Variants in CAMTA1 observed in about 807,000 individuals in gnomAD.
CAMTA1 encodes the protein calmodulin binding transcription activator 1.
In CAMTA1, 27 loss-of-function variants were observed where a neutral mutation model predicts 170.9. The observed-to-expected ratio is 0.16, with a 90% confidence interval of 0.12 to 0.22. The LOEUF is 0.22. Ranked by LOEUF, CAMTA1 falls within the 10% of genes least tolerant of loss-of-function variation. The probability of loss-of-function intolerance (pLI) is 1.00; values close to 1 mark genes in which losing one functional copy is unlikely to be tolerated. For synonymous variants in CAMTA1, 833 were observed against 891.5 expected, an observed-to-expected ratio of 0.93 and a Z score of 1.17; for missense variants, 1,619 against 2,217.2, an observed-to-expected ratio of 0.73 and a Z score of 5.42.
intron 4 of CAMTA1, among the ~76,000 whole-genome samples, chr1:7,126,820 G>T (rs982374054): frequency 6.6e-6 from 1 of 152,130 alleles, no homozygotes; most frequent in Non-Finnish European, 1.5e-5. Context: ...ACCCAGGCTG[G>T]AGTGCAGTGG....
chr1:7,047,102 CT>C (rs1215896831), intron 3 of CAMTA1, among the ~76,000 whole-genome samples: 1 of 152,132 alleles, frequency 6.6e-6, no homozygotes, highest in Non-Finnish European at 1.5e-5. Flanking sequence ...ATCAGGGCTG[CT>C]TGTGCTGAGG....
chr1:6,866,807 A>G (rs1666723830), intron 3 of CAMTA1, among the ~76,000 whole-genome samples: 1 of 152,240 alleles, frequency 6.6e-6, no homozygotes, highest in Non-Finnish European at 1.5e-5. Context: ...TTTGAAAATT[A>G]GTAATCAATA....
rs538157382 is a variant in CAMTA1 at position 7,052,164 on chromosome 1, C to A, written c.235-39140C>A. On this transcript the variant is annotated intron_variant, in intron 3 of 22. Transcript: ENST00000303635. ...TGAGTCTGCATCTTCGGCTGCTTCA[C>A]GCCCCACTGCTGCTTGTGGGGCCAC... 3.3e-5 allele frequency among the ~76,000 whole-genome samples: 5 copies of A among 152,302 alleles called. No homozygotes were observed. In the South Asian group the frequency reaches 1.0e-3, roughly 32 times the overall value.
At chr1:6,920,037 A>G (rs778178799) in intron 3 of CAMTA1, among the ~76,000 whole-genome samples, 4 of 152,132 alleles carry the variant, frequency 2.6e-5, no homozygotes, top group Non-Finnish European at 5.9e-5. Context: ...TGCCATCCCA[A>G]CAGCCCCCCA....
At position 7,140,966 on chromosome 1, in the gene CAMTA1, C is replaced by A. The variant is rs141452994; in HGVS notation, c.302+49595C>A. ...CCCCACTCTCTGCTACCTTTTCTTC[C>A]TTTCTGTCTACCGACAGAAGATGAA... is the stretch of plus-strand genomic sequence containing the variant. On this transcript the variant is annotated intron_variant, in intron 4 of 22. Coordinates refer to ENST00000303635, the MANE Select transcript of CAMTA1 (RefSeq NM_015215.4). Among the ~76,000 whole-genome samples the A allele has an allele frequency of 4.6e-3, 697 of 152,312 alleles. 25 individuals are homozygous for A. The highest frequency in any genetic ancestry group is 0.041 in the Admixed American group (631 of 15,298).
chr1:6,878,898 A>G (rs915150093), intron 3 of CAMTA1, among the ~76,000 whole-genome samples: 11 of 152,188 alleles, frequency 7.2e-5, no homozygotes, highest in African/African-American at 2.7e-4. Context: ...GGGATTACAT[A>G]CTAGTTGATA....
At chr1:7,220,794 C>T (rs1397589976) in intron 4 of CAMTA1, among the ~76,000 whole-genome samples, 1 of 152,268 alleles carries the variant, frequency 6.6e-6, no homozygotes, top group Non-Finnish European at 1.5e-5. Context: ...GTCCCCTGAC[C>T]TGGCACCACG....
chr1:7,123,793 C>T (rs1029534294), intron 4 of CAMTA1, among the ~76,000 whole-genome samples: 2 of 152,166 alleles, frequency 1.3e-5, no homozygotes, highest in African/African-American at 4.8e-5. Flanking sequence ...TCCTCCACAG[C>T]CTGACCCATT....
chr1:6,999,908 G>T (rs1296518030), intron 3 of CAMTA1, among the ~76,000 whole-genome samples: 1 of 152,152 alleles, frequency 6.6e-6, no homozygotes, highest in East Asian at 1.9e-4. Context: ...TCCCTGTAGT[G>T]CCCTGGCCAA....
chr1:7,495,694 C>T (rs1557812916), intron 6 of CAMTA1, among the ~76,000 whole-genome samples: 1 of 152,202 alleles, frequency 6.6e-6, no homozygotes, highest in African/African-American at 2.4e-5. Flanking sequence ...CTGGAGTCTC[C>T]ATAGGCCCTG....
chr1:7,227,476 C>A (rs762062676), intron 4 of CAMTA1, among the ~76,000 whole-genome samples: 1 of 151,996 alleles, frequency 6.6e-6, no homozygotes, highest in Admixed American at 6.6e-5. Flanking sequence ...TACAGGCATG[C>A]GCCACCATGC....
chr1:7,448,180 G>A (rs1039491700), intron 5 of CAMTA1, among the ~76,000 whole-genome samples: 1 of 152,244 alleles, frequency 6.6e-6, no homozygotes, highest in Non-Finnish European at 1.5e-5. Flanking sequence ...CTGGGGTGAG[G>A]AGGAGGGCAC....
At chr1:7,619,201 T>C (rs1397287482) in intron 6 of CAMTA1, among the ~76,000 whole-genome samples, 1 of 152,234 alleles carries the variant, frequency 6.6e-6, no homozygotes, top group Non-Finnish European at 1.5e-5. Context: ...AGCCATGCCA[T>C]GGCAAGCTAT....
chr1:6,959,373 G>A (rs1030821474), intron 3 of CAMTA1, among the ~76,000 whole-genome samples: 4 of 152,154 alleles, frequency 2.6e-5, no homozygotes, highest in Admixed American at 1.3e-4. Context: ...AGGAAGCGGC[G>A]GCCTTGGGCA....
chr1:7,466,982 C>T (rs916327197), intron 5 of CAMTA1, among the ~76,000 whole-genome samples: 1 of 150,832 alleles, frequency 6.6e-6, no homozygotes, highest in Non-Finnish European at 1.5e-5. Context: ...ACCAGCAAGC[C>T]TGGCCCACGG....
chr1:7,482,173 G>T lies in CAMTA1; in HGVS notation c.510+14272G>T, dbSNP rs2093549364. On this transcript the variant is annotated intron_variant, in intron 6 of 22. Coordinates refer to ENST00000303635, the MANE Select transcript of CAMTA1 (RefSeq NM_015215.4). The surrounding 1 kb of genome is among the most constrained non-coding windows in gnomAD (Gnocchi z 4.2). ...CTGCCTACTGTGTTATTTATGCCTT[G>T]TCTATCCCCCCAAGCCCAGCCCCAT... Among the ~76,000 whole-genome samples, 2 of 152,118 alleles carry T rather than the reference G, an allele frequency of 1.3e-5. No individual in the cohort carries two copies. The highest frequency in any genetic ancestry group is 2.9e-5 in the Non-Finnish European group (2 of 68,038).
At chr1:7,263,745 T>C (rs988382041) in intron 5 of CAMTA1, among the ~76,000 whole-genome samples, 1 of 152,200 alleles carries the variant, frequency 6.6e-6, no homozygotes, top group Admixed American at 6.5e-5. Context: ...TCAGAGCTAT[T>C]TACATCTGGC....
At chr1:7,074,789 G>C (rs1639084368) in intron 3 of CAMTA1, among the ~76,000 whole-genome samples, 2 of 152,122 alleles carry the variant, frequency 1.3e-5, no homozygotes, top group African/African-American at 4.8e-5. Flanking sequence ...TCTCACATAG[G>C]AACGATCATT....
At chr1:6,849,546 C>T (rs1394949798) in intron 3 of CAMTA1, among the ~76,000 whole-genome samples, 2 of 151,668 alleles carry the variant, frequency 1.3e-5, no homozygotes, top group East Asian at 3.9e-4. Context: ...GAAACCAAGG[C>T]AGGACATAGT....
Sources: allele counts gnomAD v4.1 joint callset (sites outside exome capture counted in the v4.1 genomes callset), GRCh38; gene constraint gnomAD v4.1.1; non-coding constraint Gnocchi (gnomAD v3.1); transcripts MANE v1.5; gene names NCBI Gene and HGNC (gene_info 2026-07-23, HGNC 2026-07-21).